RAD51B: variants seen among roughly 807,000 people sequenced by gnomAD.
The protein encoded by RAD51B is RAD51 paralog B.
RAD51B carries 38 observed loss-of-function variants against 42.2 expected under a neutral mutation model. That is an observed-to-expected ratio of 0.90 (90% CI 0.70 to 1.18). RAD51B has a LOEUF of 1.18. Among genes scored for constraint, RAD51B ranks in the 50% most tolerant of loss-of-function variants. The pLI, the probability that RAD51B is intolerant of heterozygous loss-of-function variation, is 0.00. For synonymous variants in RAD51B, 154 were observed against 145.2 expected (o/e 1.06, Z -0.43); for missense variants, 373 against 400.7 (o/e 0.93, Z 0.59).
intron 5 of RAD51B, among the ~76,000 whole-genome samples, chr14:67,866,811 T>G (rs2042347199): frequency 6.6e-6 from 1 of 152,234 alleles, no homozygotes. Flanking sequence ...CCATATTTAC[T>G]TATTTCTCCT....
At chr14:68,083,137 T>C (rs568774540) in intron 7 of RAD51B, among the ~76,000 whole-genome samples, 16 of 152,324 alleles carry the variant, frequency 1.1e-4, no homozygotes, top group Non-Finnish European at 2.2e-4. Flanking sequence ...ATAGCGTTCA[T>C]GAAAACGGTA....
intron 7 of RAD51B, among the ~76,000 whole-genome samples, chr14:67,898,483 AGAT>A (rs1335348615): frequency 6.6e-6 from 1 of 152,222 alleles, no homozygotes; most frequent in East Asian, 1.9e-4. Context: ...TAGTTACACA[AGAT>A]GATAAGTCCT....
At chr14:68,664,034 T>TGC (rs1892986988) in intron 11 of RAD51B, among the ~76,000 whole-genome samples, 1 of 152,200 alleles carries the variant, frequency 6.6e-6, no homozygotes, top group Non-Finnish European at 1.5e-5. Flanking sequence ...ACGCTAGCAA[T>TGC]AAGCTTCAAG....
chr14:68,012,090 G>A (rs1187514529), intron 7 of RAD51B, among the ~76,000 whole-genome samples: 1 of 151,984 alleles, frequency 6.6e-6, no homozygotes, highest in East Asian at 1.9e-4. Context: ...GTAGATAAAT[G>A]TCAATTATGA....
chr14:67,942,533 GT>G (rs1380667503), intron 7 of RAD51B, among the ~76,000 whole-genome samples: 9 of 152,124 alleles, frequency 5.9e-5, no homozygotes, highest in African/African-American at 2.2e-4. Context: ...ACACCAAATT[GT>G]TTTTGCTGAT....
chr14:68,153,595 T>C (rs1042192928), intron 7 of RAD51B, among the ~76,000 whole-genome samples: 1 of 152,250 alleles, frequency 6.6e-6, no homozygotes, highest in African/African-American at 2.4e-5. Context: ...ATCAGTGATA[T>C]TGAGCTTTTT....
At chr14:67,829,645 T>C (rs1419859218) in intron 3 of RAD51B, among the ~76,000 whole-genome samples, 1 of 152,178 alleles carries the variant, frequency 6.6e-6, no homozygotes, top group Non-Finnish European at 1.5e-5. Flanking sequence ...GTTCATTTCT[T>C]CAGGAAATTT....
At chr14:68,274,460 A>G (rs986477521) in intron 7 of RAD51B, among the ~76,000 whole-genome samples, 2 of 152,218 alleles carry the variant, frequency 1.3e-5, no homozygotes, top group African/African-American at 4.8e-5. Flanking sequence ...TACACCTAAC[A>G]AAATTAACAA....
At chr14:67,904,728 T>C (rs1211454104) in intron 7 of RAD51B, among the ~76,000 whole-genome samples, 1 of 152,034 alleles carries the variant, frequency 6.6e-6, no homozygotes, top group East Asian at 1.9e-4. Flanking sequence ...TTGAGAAATG[T>C]CTGTTTATGT....
intron 10 of RAD51B, among the ~76,000 whole-genome samples, chr14:68,475,580 T>C (rs997240237): frequency 1.3e-5 from 2 of 152,160 alleles, no homozygotes; most frequent in Non-Finnish European, 2.9e-5. Flanking sequence ...GGAAAGAAAC[T>C]TCAATGAGAG....
intron 7 of RAD51B, among the ~76,000 whole-genome samples, chr14:68,050,376 T>G (rs1051883934): frequency 4.6e-5 from 7 of 152,204 alleles, no homozygotes; most frequent in African/African-American, 1.7e-4. Flanking sequence ...CATTTTCTCC[T>G]GACTCATCAA....
intron 10 of RAD51B, among the ~76,000 whole-genome samples, chr14:68,588,713 C>G (rs1890604493): frequency 1.3e-5 from 2 of 152,194 alleles, no homozygotes; most frequent in Admixed American, 1.3e-4. Flanking sequence ...ATTTCTTTCA[C>G]CGTCTGTGAG....
At chr14:68,571,801 TTTTG>T (rs71757066) in intron 10 of RAD51B, among the ~76,000 whole-genome samples, 145,725 of 151,064 alleles carry the variant, frequency 0.96, 70,325 homozygotes, top group Non-Finnish European at 1. Context: ...GATGGCTGTT[TTTTG>T]TTTGTTTGTT....
At chr14:68,303,481 A>C (rs1194932276) in intron 8 of RAD51B, among the ~76,000 whole-genome samples, 2 of 151,826 alleles carry the variant, frequency 1.3e-5, no homozygotes, top group Non-Finnish European at 2.9e-5. Context: ...AAAAAAGAAA[A>C]GAAAAAGAAA....
At chr14:68,447,111 C>T (rs1264941733) in intron 9 of RAD51B, among the ~76,000 whole-genome samples, 3 of 152,034 alleles carry the variant, frequency 2.0e-5, no homozygotes, top group East Asian at 1.9e-4. Context: ...TCCAGCTACT[C>T]GGGAGGCTGA....
At chr14:68,402,519 A>G (rs1465539989) in intron 8 of RAD51B, among the ~76,000 whole-genome samples, 1 of 152,194 alleles carries the variant, frequency 6.6e-6, no homozygotes, top group Non-Finnish European at 1.5e-5. Context: ...CTTTGTTACT[A>G]TGAAGTTGTG....
At chr14:67,953,570 T>A (rs750887033) in intron 7 of RAD51B, among the ~76,000 whole-genome samples, 14 of 151,696 alleles carry the variant, frequency 9.2e-5, no homozygotes, top group Non-Finnish European at 1.9e-4. Flanking sequence ...TATAGTGGAG[T>A]CGGGAGAGGT....
intron 10 of RAD51B, among the ~76,000 whole-genome samples, chr14:68,513,243 A>G (rs543935499): frequency 3.5e-4 from 53 of 152,352 alleles, no homozygotes; most frequent in African/African-American, 1.3e-3. Context: ...ACTGGCATTC[A>G]GACACATGGC....
chr14:68,491,604 C>T (rs916280903), intron 10 of RAD51B, among the ~76,000 whole-genome samples: 2 of 152,212 alleles, frequency 1.3e-5, no homozygotes, highest in African/African-American at 4.8e-5. Context: ...AGAAACCCGT[C>T]TTAGTCCAAG....
Sources: allele counts gnomAD v4.1 joint callset (sites outside exome capture counted in the v4.1 genomes callset), GRCh38; gene constraint gnomAD v4.1.1; transcripts MANE v1.5; gene names NCBI Gene and HGNC (gene_info 2026-07-23, HGNC 2026-07-21).